Variants in CCDC93 observed in about 807,000 individuals in gnomAD.
The protein encoded by CCDC93 is CCC complex scaffolding subunit CCDC93.
CCDC93 carries 61 observed loss-of-function variants against 108.2 expected under a neutral mutation model. The ratio of observed to expected loss-of-function variants is 0.56; its 90% confidence interval spans 0.46 to 0.70. CCDC93 has a LOEUF of 0.70. Among genes scored for constraint, CCDC93 ranks in the 30% least tolerant of loss-of-function variants. The pLI is 0.00. For missense variants in CCDC93, 685 were observed against 764.2 expected (o/e 0.90, Z 1.22); for synonymous variants, 276 against 260.4 (o/e 1.06, Z -0.58).
At position 117,935,581 on chromosome 2, in the gene CCDC93, T is replaced by C. The variant is rs1480864017; in HGVS notation, c.1644-2A>G. On this transcript the variant is annotated splice_acceptor_variant, in intron 21 of 23. Coordinates refer to ENST00000376300, the MANE Select transcript of CCDC93 (RefSeq NM_019044.5). LOFTEE classifies it high-confidence loss of function. ...CGGGCAGCAGGGGAGGCCATGGCCCTGAAAGAAAAACCAGTAGAGTTATGA... is the reference window on the plus strand; with the variant it reads ...CGGGCAGCAGGGGAGGCCATGGCCCCGAAAGAAAAACCAGTAGAGTTATGA... 15 of 1,611,664 alleles carry C rather than the reference T, an allele frequency of 9.3e-6. No individual in the cohort carries two copies. Among genetic ancestry groups the C allele is most frequent in the African/African-American group, 1.3e-5 (1 of 74,818 alleles).
intron 4 of CCDC93, chr2:117,996,563 T>C: frequency 2.0e-6 from 1 of 499,620 alleles, no homozygotes; most frequent in Non-Finnish European, 3.6e-6. Context: ...TGGGACCTAG[T>C]GCTGAGTAGC....
At chr2:117,973,268 C>T (rs760865560) in intron 11 of CCDC93, among the ~76,000 whole-genome samples, 27 of 152,050 alleles carry the variant, frequency 1.8e-4, no homozygotes, top group Non-Finnish European at 3.4e-4. Flanking sequence ...GGGGACAGGG[C>T]TGGGGCAGGA....
chr2:117,931,379 T>A (rs1678322198), intron 22 of CCDC93: 1 of 405,222 alleles, frequency 2.5e-6, no homozygotes, highest in Non-Finnish European at 4.4e-6. Context: ...TCCATTTTTT[T>A]TTCTCACTAC....
At chr2:117,952,276 A>T (rs922852813) in intron 13 of CCDC93, 97 bp downstream of exon 13, 3 of 859,404 alleles carry the variant, frequency 3.5e-6, no homozygotes, top group African/African-American at 1.7e-5. Flanking sequence ...CGTGTCTCCC[A>T]CACACAGACC....
intron 3 of CCDC93, among the ~76,000 whole-genome samples, chr2:118,002,394 C>T (rs982799347): frequency 6.6e-6 from 1 of 152,156 alleles, no homozygotes; most frequent in Non-Finnish European, 1.5e-5. Context: ...TTAACAGTAA[C>T]TAGGTGACCT....
At chr2:117,942,587 T>C (rs756070144) in intron 18 of CCDC93, among the ~76,000 whole-genome samples, 2 of 152,230 alleles carry the variant, frequency 1.3e-5, no homozygotes, top group Non-Finnish European at 2.9e-5. Context: ...CTGAGCTCTC[T>C]GCTCGGCTCC....
At chr2:117,927,452 A>T (rs546921598) in intron 23 of CCDC93, among the ~76,000 whole-genome samples, 1 of 152,206 alleles carries the variant, frequency 6.6e-6, no homozygotes, top group African/African-American at 2.4e-5. Context: ...AAAAATCACA[A>T]GCATTCTTAT....
At chr2:117,951,470 T>G (rs1429291817) in intron 13 of CCDC93, 2 of 986,556 alleles carry the variant, frequency 2.0e-6, no homozygotes, top group East Asian at 2.3e-4. Flanking sequence ...GCAAATTAAG[T>G]GCTACATATC....
chr2:117,934,777 C>T (rs1446097581), intron 22 of CCDC93: 3 of 152,194 alleles, frequency 2.0e-5, no homozygotes, highest in Non-Finnish European at 1.5e-5. Flanking sequence ...CCAACGTCCC[C>T]GGAAGATTTT....
At chr2:117,940,100 T>C (rs17510959) in intron 19 of CCDC93, among the ~76,000 whole-genome samples, 8,589 of 152,122 alleles carry the variant, frequency 0.056, 299 homozygotes, top group Non-Finnish European at 0.082. Flanking sequence ...CCAGAAGAAA[T>C]AGACTTGAAA....
At position 117,918,320 on chromosome 2, in the gene CCDC93, A is replaced by C. The variant is rs1379403481; in HGVS notation, c.*2023T>G. 4 of 152,202 alleles carry C rather than the reference A, an allele frequency of 2.6e-5. No homozygotes were observed. Among genetic ancestry groups the C allele is most frequent in the Non-Finnish European group, 4.4e-5 (3 of 68,034 alleles). The allele number at this position is 152,202 out of a possible 1,614,324, so 9.4% of individuals were successfully genotyped here. On this transcript the variant is annotated 3_prime_UTR_variant, in exon 24 of 24. Coordinates refer to ENST00000376300, the MANE Select transcript of CCDC93 (RefSeq NM_019044.5). Reference sequence around the variant, plus strand: ...TCCGTAGTAGGCCTTGTCGATAAAAAAAAAAAGGGAATAGAGATCTATGGA... The same window carrying C: ...TCCGTAGTAGGCCTTGTCGATAAAACAAAAAAGGGAATAGAGATCTATGGA...
chr2:117,986,226 G>A (rs1175841720), intron 6 of CCDC93, among the ~76,000 whole-genome samples, 157 bp from the exon 7 acceptor site: 1 of 148,916 alleles, frequency 6.7e-6, no homozygotes, highest in East Asian at 2.0e-4. Flanking sequence ...ATGCAGTGGC[G>A]CGATCTCGGC....
At chr2:117,950,764 C>T (rs1056165396) in intron 13 of CCDC93, 2 of 985,302 alleles carry the variant, frequency 2.0e-6, no homozygotes, top group Non-Finnish European at 2.4e-6. Flanking sequence ...AGGTTTTATA[C>T]AGCTTCCCAT....
At chr2:117,941,055 T>A in intron 19 of CCDC93, 134 bp downstream of exon 19, 1 of 647,254 alleles carries the variant, frequency 1.5e-6, no homozygotes, top group Non-Finnish European at 2.7e-6. Flanking sequence ...GTGGGCCTGC[T>A]GATGAAACGG....
Position 118,010,895 on chromosome 2 carries a change from C to T in CCDC93, c.43-2237G>A, listed in dbSNP as rs536623796. On this transcript the variant is annotated intron_variant, in intron 1 of 23. Transcript: ENST00000376300. ...CCTCACAAGTCTATCCTGAAATGGC[C>T]ACTCTCCTCAGCATTTCTGTACATA... Among the ~76,000 whole-genome samples, 182 of 152,300 alleles carry T rather than the reference C, an allele frequency of 1.2e-3. 1 individual carries two copies. Among genetic ancestry groups the T allele is most frequent in the African/African-American group, 4.2e-3 (174 of 41,554 alleles).
chr2:117,973,701 T>C (rs752137647), intron 11 of CCDC93, among the ~76,000 whole-genome samples: 1 of 152,178 alleles, frequency 6.6e-6, no homozygotes, highest in Non-Finnish European at 1.5e-5. Context: ...TACAGAAAAG[T>C]GGGCACTGCA....
chr2:117,975,028 C>G lies in CCDC93; in HGVS notation c.751-128G>C, dbSNP rs542361213. ...CCTTGATCTCGTCTTATGTGAGCCT[C>G]AAAGGCAGGTGATAAAATGAAACTG... On this transcript the variant is annotated intron_variant, in intron 9 of 23. Transcript: ENST00000376300. 8.1e-5 allele frequency: 85 copies of G among 1,051,736 alleles called. 1 individual carries two copies. The African/African-American group carries it at 1.1e-3, about 14-fold the overall frequency. The allele number at this position is 1,051,736 out of a possible 1,614,324, so 65.2% of individuals were successfully genotyped here.
At chr2:117,980,522 C>G (rs548529858) in intron 7 of CCDC93, among the ~76,000 whole-genome samples, 1 of 152,272 alleles carries the variant, frequency 6.6e-6, no homozygotes, top group South Asian at 2.1e-4. Context: ...AAGACAGAGG[C>G]TCTGGGAAGA....
intron 13 of CCDC93, 111 bp from the exon 14 acceptor site, chr2:117,949,506 C>T (rs1019440633): frequency 1.5e-5 from 12 of 813,662 alleles, no homozygotes; most frequent in African/African-American, 1.2e-4. Context: ...GAAACTTAAA[C>T]TTGGATTTTA....
Sources: allele counts gnomAD v4.1 joint callset (sites outside exome capture counted in the v4.1 genomes callset), GRCh38; gene constraint gnomAD v4.1.1; transcripts MANE v1.5; gene names NCBI Gene and HGNC (gene_info 2026-07-23, HGNC 2026-07-21).